CNTN4: variants seen among roughly 807,000 people sequenced by gnomAD.
The protein encoded by CNTN4 is contactin 4, also known as contactin-4.
CNTN4 carries 77 observed loss-of-function variants against 122.5 expected under a neutral mutation model. The observed-to-expected ratio is 0.63, with a 90% CI of 0.52 to 0.76. The LOEUF is 0.76. CNTN4 is among the 30% of genes least tolerant of loss of function. The pLI is 0.00. For missense variants in CNTN4, 1,256 were observed against 1,259.1 expected, an observed-to-expected ratio of 1.00 and a Z score of 0.04; for synonymous variants, 512 against 447.0, an observed-to-expected ratio of 1.15 and a Z score of -1.83.
chr3:2,228,996 T>C (rs2039387704), intron 2 of CNTN4, among the ~76,000 whole-genome samples: 2 of 152,146 alleles, frequency 1.3e-5, no homozygotes, highest in South Asian at 2.1e-4. Context: ...TTCTGCTGTA[T>C]ATAAGAATGA....
At chr3:2,376,421 A>T (rs1177984825) in intron 3 of CNTN4, among the ~76,000 whole-genome samples, 1 of 152,182 alleles carries the variant, frequency 6.6e-6, no homozygotes, top group Non-Finnish European at 1.5e-5. Flanking sequence ...GGAGCACAGA[A>T]GGTGGATGAC....
Position 2,428,131 on chromosome 3 carries a change from T to G in CNTN4, c.-89+88898T>G, listed in dbSNP as rs576641070. 3.0e-4 allele frequency among the ~76,000 whole-genome samples: 45 copies of G among 152,316 alleles called. No individual in the cohort carries two copies. In the South Asian group the frequency reaches 8.3e-3, roughly 28 times the overall value. ...CTGTCATTATGATGTTAGCTGGTTA[T>G]TTTGCTGAGTAGTTGATGCAGTTTC... On this transcript the variant is annotated intron_variant, in intron 3 of 24. Transcript: ENST00000418658.
At position 2,842,858 on chromosome 3, in the gene CNTN4, T is replaced by A. The variant is rs113144330; in HGVS notation, c.454+23277T>A. ...CATTTTCTTTTTTTTTCCATTTTTT[T>A]CTTTTCTGGCTTCTCATTTCCCTGT... is the stretch of plus-strand genomic sequence containing the variant. On this transcript the variant is annotated intron_variant, in intron 7 of 24. Transcript: ENST00000418658. 7.5e-3 allele frequency among the ~76,000 whole-genome samples: 1,148 copies of A among 152,236 alleles called. 15 individuals carry two copies. The highest frequency in any genetic ancestry group is 0.026 in the African/African-American group (1,095 of 41,542).
chr3:2,990,642 G>A (rs113730353), intron 14 of CNTN4, among the ~76,000 whole-genome samples: 1,936 of 152,244 alleles, frequency 0.013, 38 homozygotes, highest in African/African-American at 0.044. Flanking sequence ...CCAACCAACT[G>A]TGCAGATCCC....
At chr3:2,878,479 G>T (rs2093870505) in intron 8 of CNTN4, among the ~76,000 whole-genome samples, 1 of 151,776 alleles carries the variant, frequency 6.6e-6, no homozygotes, top group Non-Finnish European at 1.5e-5. Flanking sequence ...GCTAAGATTT[G>T]TGAAGGATAC....
chr3:2,426,598 G>A (rs1575604323), intron 3 of CNTN4, among the ~76,000 whole-genome samples: 1 of 152,192 alleles, frequency 6.6e-6, no homozygotes, highest in Non-Finnish European at 1.5e-5. Flanking sequence ...ATGAGTTAGG[G>A]AGGATTCCTT....
At chr3:2,191,932 A>T (rs1448016367) in intron 2 of CNTN4, among the ~76,000 whole-genome samples, 1 of 149,234 alleles carries the variant, frequency 6.7e-6, no homozygotes, top group Non-Finnish European at 1.5e-5. Flanking sequence ...TCCTGTGTCC[A>T]AGTGTTCTCA....
chr3:2,962,523 A>C (rs1339111050), intron 13 of CNTN4, among the ~76,000 whole-genome samples: 1 of 152,230 alleles, frequency 6.6e-6, no homozygotes, highest in African/African-American at 2.4e-5. Context: ...TTGAAACTAA[A>C]TGAATCTAAG....
chr3:2,988,465 A>G lies in CNTN4; in HGVS notation c.1479A>G (p.Val493=). ...CTGCTAGCAGTACTGGAAACTTGGT[A>G]GTGAAAGGTAATGGCTAACCCAAAG... The part of the protein sequence containing the change: ...FGTASSTGNL[V]VKDPTRVMVP... The change falls in exon 14 of 25, where the codon GTA becomes GTG. Residue 493 remains valine, a synonymous_variant. Coordinates refer to ENST00000418658, the MANE Select transcript of CNTN4 (RefSeq NM_175607.3). 6.2e-7 allele frequency: 1 copy of G among 1,613,764 alleles called. No individual in the cohort carries two copies. Among genetic ancestry groups the G allele is most frequent in the Non-Finnish European group, 8.5e-7 (1 of 1,179,730 alleles).
rs75986272 is a variant in CNTN4 at position 2,440,658 on chromosome 3, C to T, written c.-89+101425C>T. Among the ~76,000 whole-genome samples the T allele has an allele frequency of 3.8e-3, 583 of 151,618 alleles. 4 individuals are homozygous for T. Among genetic ancestry groups the T allele is most frequent in the African/African-American group, 0.014 (570 of 41,388 alleles). ...TTCTGAATTTTTTAATTTACTCATC[C>T]ATTCAACAGATGTATATATTCACAC... On this transcript the variant is annotated intron_variant, in intron 3 of 24. Transcript: ENST00000418658.
chr3:2,224,656 G>T (rs1228109918), intron 2 of CNTN4, among the ~76,000 whole-genome samples: 1 of 152,160 alleles, frequency 6.6e-6, no homozygotes, highest in Non-Finnish European at 1.5e-5. Flanking sequence ...TTGTTGAGAA[G>T]ATTAAATGAG....
chr3:2,260,742 T>TTC (rs397838783), intron 2 of CNTN4, among the ~76,000 whole-genome samples: 1 of 151,536 alleles, frequency 6.6e-6, no homozygotes, highest in Admixed American at 6.6e-5. Flanking sequence ...ATTTTTTTTT[T>TTC]GAGACAAGAG....
intron 4 of CNTN4, among the ~76,000 whole-genome samples, chr3:2,586,720 G>C (rs376782657): frequency 1.3e-5 from 2 of 152,172 alleles, no homozygotes; most frequent in African/African-American, 4.8e-5. Flanking sequence ...CATGACTATG[G>C]AGACAACCAG....
chr3:2,588,815 C>A (rs2149636077), intron 4 of CNTN4, among the ~76,000 whole-genome samples: 1 of 145,620 alleles, frequency 6.9e-6, no homozygotes, highest in South Asian at 2.2e-4. Flanking sequence ...AAAGTGGATG[C>A]TGTAATGCCC....
chr3:2,196,494 G>T (rs755609523), intron 2 of CNTN4, among the ~76,000 whole-genome samples: 1 of 151,968 alleles, frequency 6.6e-6, no homozygotes, highest in Non-Finnish European at 1.5e-5. Context: ...TAATTATACG[G>T]CCAATACAGA....
chr3:2,982,391 T>A (rs9836585), intron 13 of CNTN4, among the ~76,000 whole-genome samples: 6,585 of 152,260 alleles, frequency 0.043, 487 homozygotes, highest in African/African-American at 0.15. Context: ...TAACATCTTA[T>A]ATTATTGGCT....
In CNTN4 at chr3:2,177,643, ATTGTGTGTGTGT is replaced by A. The variant is rs1478544401; in HGVS notation, c.-145+77017_-145+77028del. Among the ~76,000 whole-genome samples the A allele has an allele frequency of 7.8e-5, 10 of 127,774 alleles. No individual in the cohort carries two copies. The South Asian group carries it at 2.2e-3, about 28-fold the overall frequency. 83.8% of individuals were successfully genotyped at this position (127,774 alleles called of 152,430 possible). On this transcript the variant is annotated intron_variant, in intron 2 of 24. Coordinates refer to ENST00000418658, the MANE Select transcript of CNTN4 (RefSeq NM_175607.3). ...TCTTCAGAGAAGCAGAACCAATGGG[ATTGTGTGTGTGT>A]TTGTGTGTGTGTGTGTGTGTGTGTG...
intron 13 of CNTN4, among the ~76,000 whole-genome samples, chr3:2,971,864 CA>C (rs879872379): frequency 1.1e-4 from 17 of 152,114 alleles, no homozygotes; most frequent in Non-Finnish European, 1.3e-4. Context: ...TTGTAAATAG[CA>C]GCAATGAAAG....
At chr3:2,311,435 ACCT>A (rs1166685037) in intron 2 of CNTN4, among the ~76,000 whole-genome samples, 3 of 152,146 alleles carry the variant, frequency 2.0e-5, no homozygotes, top group Admixed American at 2.0e-4. Flanking sequence ...GCATAAAGAA[ACCT>A]TCCACTGATA....
Sources: allele counts gnomAD v4.1 joint callset (sites outside exome capture counted in the v4.1 genomes callset), GRCh38; gene constraint gnomAD v4.1.1; transcripts MANE v1.5; gene names NCBI Gene and HGNC (gene_info 2026-07-23, HGNC 2026-07-21).